HSD17B2: variants seen among roughly 807,000 people sequenced by gnomAD.
The protein encoded by HSD17B2 is hydroxysteroid 17-beta dehydrogenase 2, also known as 17-beta-hydroxysteroid dehydrogenase type 2.
A neutral mutation model predicts 26.9 loss-of-function variants in HSD17B2; 32 were observed. The ratio of observed to expected loss-of-function variants is 1.19; its 90% CI spans 0.90 to 1.60. The LOEUF is 1.60. Ranked by LOEUF, HSD17B2 falls within the 40% of genes most tolerant of loss-of-function variation. The probability of loss-of-function intolerance (pLI) is 0.00; values close to 1 mark genes in which losing one functional copy is unlikely to be tolerated. For missense variants in HSD17B2, 613 were observed against 468.6 expected (o/e 1.31, Z -2.85); for synonymous variants, 246 against 186.7 (o/e 1.32, Z -2.59).
Position 82,098,339 on chromosome 16 carries a change from T to C in HSD17B2, c.1067T>C (p.Ile356Thr), listed in dbSNP as rs775337947. ...LWICLAHYLP[I>T]GIYDYFAKRH... is the part of the protein sequence containing the mutation. ...ATCTGCCTTGCTCACTATTTGCCTA[T>C]TGGCATATATGATTACTTTGCTAAA... is the stretch of plus-strand genomic sequence containing the variant. Residue 356 changes from isoleucine to threonine, a missense_variant, in exon 5 of 5, where the codon ATT (isoleucine) becomes ACT (threonine). Transcript: ENST00000199936. 2.5e-6 allele frequency: 4 copies of C among 1,614,200 alleles called. No homozygotes were observed. The highest frequency in any genetic ancestry group is 3.4e-6 in the Non-Finnish European group (4 of 1,180,016).
At chr16:82,074,174 G>A (rs999036129) in intron 3 of HSD17B2, among the ~76,000 whole-genome samples, 3 of 152,166 alleles carry the variant, frequency 2.0e-5, no homozygotes, top group African/African-American at 7.2e-5. Context: ...ACTGGACCCT[G>A]ACTTCTTTCT....
chr16:82,051,615 T>C (rs1428561439), intron 1 of HSD17B2, among the ~76,000 whole-genome samples: 1 of 151,998 alleles, frequency 6.6e-6, no homozygotes, highest in Non-Finnish European at 1.5e-5. Flanking sequence ...AAATAGCTAA[T>C]GCATGCAGGG....
At chr16:82,048,418 C>T (rs184988347) in intron 1 of HSD17B2, among the ~76,000 whole-genome samples, 70 of 152,202 alleles carry the variant, frequency 4.6e-4, no homozygotes, top group Admixed American at 1.2e-3. Context: ...AGGAAGGAGT[C>T]CCAGTGCAAA....
intron 1 of HSD17B2, among the ~76,000 whole-genome samples, chr16:82,058,202 C>G (rs1048727948): frequency 1.3e-5 from 2 of 151,912 alleles, no homozygotes; most frequent in African/African-American, 4.8e-5. Flanking sequence ...TCCTGAGTAG[C>G]TGGGGCCAGG....
At chr16:82,075,908 T>TAAAAA (rs58081050) in intron 3 of HSD17B2, among the ~76,000 whole-genome samples, 13 of 134,666 alleles carry the variant, frequency 9.7e-5, no homozygotes, top group Middle Eastern at 3.8e-3. Flanking sequence ...AAATACATGT[T>TAAAAA]AAAAAAAAAA....
intron 2 of HSD17B2, among the ~76,000 whole-genome samples, chr16:82,069,360 G>GCTTT (rs1914645496): frequency 2.0e-5 from 3 of 152,054 alleles, no homozygotes; most frequent in Admixed American, 1.3e-4. Flanking sequence ...TTGTGACTAG[G>GCTTT]GCTGCAACGA....
chr16:82,073,315 C>T (rs1458604878), intron 3 of HSD17B2, among the ~76,000 whole-genome samples: 1 of 151,936 alleles, frequency 6.6e-6, no homozygotes, highest in African/African-American at 2.4e-5. Context: ...AGCTCCGCCT[C>T]CCGGGTTCAC....
intron 1 of HSD17B2, among the ~76,000 whole-genome samples, chr16:82,048,491 AAGG>A (rs1165038867): frequency 6.6e-6 from 1 of 152,172 alleles, no homozygotes; most frequent in Non-Finnish European, 1.5e-5. Context: ...TGGAAAAGGG[AAGG>A]AGAAGATGGG....
rs12103269 is a variant in HSD17B2 at position 82,042,347 on chromosome 16, C to T, written c.265+6658C>T. Among the ~76,000 whole-genome samples the T allele has an allele frequency of 1.5e-3, 226 of 152,114 alleles. 1 individual carries two copies. The highest frequency in any genetic ancestry group is 5.1e-3 in the African/African-American group (213 of 41,438). ...GACAGGCGTGAGCCACCACGCCCAG[C>T]CTCCCAAAGTGCTGGGATGACAGGC... On this transcript the variant is annotated intron_variant, in intron 1 of 4. Transcript: ENST00000199936.
chr16:82,057,388 G>A (rs937634609), intron 1 of HSD17B2, among the ~76,000 whole-genome samples: 2 of 151,970 alleles, frequency 1.3e-5, no homozygotes, highest in African/African-American at 2.4e-5. Flanking sequence ...TAGTAGAGAC[G>A]GGGTTTCACC....
At position 82,068,218 on chromosome 16, in the gene HSD17B2, T is replaced by C. The variant is rs749392973; in HGVS notation, c.314T>C (p.Leu105Pro). 9.3e-6 allele frequency: 15 copies of C among 1,614,058 alleles called. No homozygotes were observed. Among genetic ancestry groups the C allele is most frequent in the Admixed American group, 1.7e-5 (1 of 60,014 alleles). Reference sequence around the variant, plus strand: ...GCTTTGTGCAAGTATCTGGATGAGCTGGGCTTCACGGTATTTGCCGGAGTT... The same window carrying C: ...GCTTTGTGCAAGTATCTGGATGAGCCGGGCTTCACGGTATTTGCCGGAGTT... ...GHALCKYLDE[L>P]GFTVFAGVLN... Residue 105 changes from leucine to proline, a missense_variant, in exon 2 of 5, where the codon CTG becomes CCG. Physicochemically the swap from Leu to Pro is moderately conservative, Grantham distance 98. Transcript: ENST00000199936.
intron 3 of HSD17B2, among the ~76,000 whole-genome samples, chr16:82,087,422 T>C (rs992532098): frequency 2.6e-5 from 4 of 152,176 alleles, no homozygotes; most frequent in Non-Finnish European, 2.9e-5. Context: ...TGGACACCTA[T>C]ATTTATCTCA....
chr16:82,036,172 C>G (rs912607099), intron 1 of HSD17B2, among the ~76,000 whole-genome samples: 1 of 152,134 alleles, frequency 6.6e-6, no homozygotes, highest in East Asian at 1.9e-4. Context: ...GGGCTGGAGA[C>G]TTTGCAGTTT....
chr16:82,089,915 C>T (rs1219303963), intron 3 of HSD17B2, among the ~76,000 whole-genome samples: 1 of 152,164 alleles, frequency 6.6e-6, no homozygotes, highest in African/African-American at 2.4e-5. Context: ...AAGTGGATCA[C>T]TCCCTTTCTT....
chr16:82,060,328 T>A (rs779148130), intron 1 of HSD17B2, among the ~76,000 whole-genome samples: 1 of 152,044 alleles, frequency 6.6e-6, no homozygotes, highest in Non-Finnish European at 1.5e-5. Context: ...GGCTATGGGG[T>A]CAGGGTAGGC....
intron 1 of HSD17B2, among the ~76,000 whole-genome samples, chr16:82,043,202 G>A (rs573615505): frequency 6.6e-6 from 1 of 152,172 alleles, no homozygotes; most frequent in Non-Finnish European, 1.5e-5. Flanking sequence ...AGCACATAGA[G>A]CTTTGAGGCT....
chr16:82,047,813 T>C (rs1913980866), intron 1 of HSD17B2, among the ~76,000 whole-genome samples: 3 of 152,206 alleles, frequency 2.0e-5, no homozygotes, highest in African/African-American at 7.2e-5. Context: ...AGATGGACCA[T>C]GAGCTCCATG....
intron 3 of HSD17B2, among the ~76,000 whole-genome samples, chr16:82,089,346 C>T (rs1597139244): frequency 6.6e-6 from 1 of 152,234 alleles, no homozygotes; most frequent in Middle Eastern, 3.4e-3. Flanking sequence ...GGCTGGACTA[C>T]AGTTTGCTTA....
chr16:82,065,787 T>G (rs1425025883), intron 1 of HSD17B2, among the ~76,000 whole-genome samples: 1 of 152,186 alleles, frequency 6.6e-6, no homozygotes, highest in Non-Finnish European at 1.5e-5. Context: ...GAACTTGGAT[T>G]TAGGATCCAA....
Sources: allele counts gnomAD v4.1 joint callset (sites outside exome capture counted in the v4.1 genomes callset), GRCh38; gene constraint gnomAD v4.1.1; transcripts MANE v1.5; gene names NCBI Gene and HGNC (gene_info 2026-07-23, HGNC 2026-07-21).